PPFIA2: variants seen among roughly 807,000 people sequenced by gnomAD.
PPFIA2 encodes the protein liprin-alpha-2.
PPFIA2 carries 46 observed loss-of-function variants against 175.5 expected under a neutral mutation model. That is an observed-to-expected ratio of 0.26 (90% CI 0.21 to 0.34). The LOEUF (loss-of-function observed/expected upper bound fraction) is 0.34, where lower values mean the gene tolerates loss of function less well. Among genes scored for constraint, PPFIA2 ranks in the 10% least tolerant of loss-of-function variants. The probability of loss-of-function intolerance (pLI) is 1.00; values close to 1 mark genes in which losing one functional copy is unlikely to be tolerated. For synonymous variants in PPFIA2, 568 were observed against 511.4 expected (o/e 1.11, Z -1.49); for missense variants, 1,179 against 1,506.1 (o/e 0.78, Z 3.60).
chr12:81,618,340 A>G (rs2061624787), intron 4 of PPFIA2, among the ~76,000 whole-genome samples: 1 of 151,894 alleles, frequency 6.6e-6, no homozygotes, highest in Non-Finnish European at 1.5e-5. Flanking sequence ...CCTAGTATGT[A>G]GGAACAGTTT....
At chr12:81,478,977 A>AT (rs2057844412) in intron 4 of PPFIA2, among the ~76,000 whole-genome samples, 1 of 152,058 alleles carries the variant, frequency 6.6e-6, no homozygotes, top group African/African-American at 2.4e-5. Context: ...ATCCTTATTA[A>AT]TTTTCTGTCT....
At chr12:81,752,358 G>C (rs1214644342) in intron 3 of PPFIA2, among the ~76,000 whole-genome samples, 1 of 152,124 alleles carries the variant, frequency 6.6e-6, no homozygotes, top group African/African-American at 2.4e-5. Context: ...AGAGTAAGCA[G>C]GATGGTGATA....
intron 3 of PPFIA2, among the ~76,000 whole-genome samples, chr12:81,726,827 C>G (rs1172402628): frequency 6.6e-6 from 1 of 151,246 alleles, no homozygotes; most frequent in Non-Finnish European, 1.5e-5. Context: ...CTTTGGCCAA[C>G]AGAATGTAAG....
rs73358668 is a variant in PPFIA2, at chr12:81,492,148, T to C, written c.304-34282A>G. On this transcript the variant is annotated intron_variant, in intron 4 of 32. Transcript: ENST00000549396. The stretch of plus-strand genomic sequence containing the variant: ...CATTTTTTTTTAGGAAATAAAAGCA[T>C]AATGTAAGTACTACACGGCTTATGT... Among the ~76,000 whole-genome samples the C allele has an allele frequency of 2.0e-3, 307 of 152,100 alleles. 1 individual carries two copies. Among genetic ancestry groups the C allele is most frequent in the African/African-American group, 6.9e-3 (286 of 41,532 alleles).
intron 4 of PPFIA2, among the ~76,000 whole-genome samples, chr12:81,611,350 G>C (rs1056242425): frequency 6.6e-6 from 1 of 152,130 alleles, no homozygotes; most frequent in Admixed American, 6.5e-5. Context: ...TTCTGAGCTG[G>C]GGTTTCCTCT....
At chr12:81,621,758 G>A (rs960780989) in intron 4 of PPFIA2, among the ~76,000 whole-genome samples, 4 of 152,172 alleles carry the variant, frequency 2.6e-5, no homozygotes, top group Non-Finnish European at 5.9e-5. Context: ...GAAAACTACA[G>A]AAGTATCAGG....
intron 3 of PPFIA2, among the ~76,000 whole-genome samples, chr12:81,718,532 T>C (rs1391590845): frequency 6.6e-6 from 1 of 151,592 alleles, no homozygotes; most frequent in Non-Finnish European, 1.5e-5. Context: ...CACCAAGTGC[T>C]ACAAGTATGT....
intron 4 of PPFIA2, among the ~76,000 whole-genome samples, chr12:81,611,517 A>G (rs2060906451): frequency 6.6e-6 from 1 of 152,102 alleles, no homozygotes; most frequent in Admixed American, 6.5e-5. Context: ...GTACTCATAT[A>G]CAGCAACACA....
chr12:81,311,118 C>T (rs1055747389), intron 22 of PPFIA2, among the ~76,000 whole-genome samples: 3 of 152,106 alleles, frequency 2.0e-5, no homozygotes, highest in Non-Finnish European at 2.9e-5. Context: ...AAATATTATG[C>T]ATATTTTATT....
At chr12:81,396,732 T>G (rs2041202372) in intron 8 of PPFIA2, among the ~76,000 whole-genome samples, 1 of 152,124 alleles carries the variant, frequency 6.6e-6, no homozygotes, top group African/African-American at 2.4e-5. Flanking sequence ...CAGATTACTC[T>G]GATTCATGCT....
At chr12:81,635,035 G>A (rs563657580) in intron 4 of PPFIA2, among the ~76,000 whole-genome samples, 1 of 152,290 alleles carries the variant, frequency 6.6e-6, no homozygotes, top group East Asian at 1.9e-4. Context: ...TTTTATTGCT[G>A]CATGATTGGC....
intron 14 of PPFIA2, among the ~76,000 whole-genome samples, chr12:81,365,299 T>G (rs1488612063): frequency 6.6e-6 from 1 of 151,816 alleles, no homozygotes; most frequent in East Asian, 1.9e-4. Context: ...ATAGAAGATG[T>G]GGTCAGATTA....
intron 3 of PPFIA2, among the ~76,000 whole-genome samples, chr12:81,721,444 C>A (rs1388609823): frequency 6.8e-6 from 1 of 147,250 alleles, no homozygotes; most frequent in Non-Finnish European, 1.5e-5. Context: ...CTAATACACA[C>A]ACACATAAAC....
chr12:81,369,226 T>C, intron 11 of PPFIA2, 32 bp from the exon 12 acceptor site: 4 of 1,594,874 alleles, frequency 2.5e-6, no homozygotes, highest in South Asian at 1.1e-5. Flanking sequence ...ACACCTGAAA[T>C]GTAAGATTTG....
intron 4 of PPFIA2, among the ~76,000 whole-genome samples, chr12:81,599,185 T>C (rs936215869): frequency 5.3e-5 from 8 of 151,950 alleles, no homozygotes; most frequent in African/African-American, 1.7e-4. Context: ...TTCAGTAGGA[T>C]AGGAAACAGA....
At chr12:81,742,803 A>G (rs1325638413) in intron 3 of PPFIA2, among the ~76,000 whole-genome samples, 1 of 152,200 alleles carries the variant, frequency 6.6e-6, no homozygotes, top group Non-Finnish European at 1.5e-5. Context: ...AAGACTGAAA[A>G]GTGGCCAAAA....
At chr12:81,539,136 T>C (rs562130934) in intron 4 of PPFIA2, among the ~76,000 whole-genome samples, 1 of 152,014 alleles carries the variant, frequency 6.6e-6, no homozygotes, top group East Asian at 1.9e-4. Context: ...TCAGTTAAGA[T>C]GGGGAAGACT....
intron 5 of PPFIA2, among the ~76,000 whole-genome samples, chr12:81,447,632 C>A (rs576963691): frequency 6.6e-6 from 1 of 152,132 alleles, no homozygotes; most frequent in Non-Finnish European, 1.5e-5. Flanking sequence ...TTATGATATG[C>A]AATTTAAACA....
At position 81,434,137 on chromosome 12, in the gene PPFIA2, A is replaced by T. The variant is rs1425814786; in HGVS notation, c.645+5835T>A. On this transcript the variant is annotated intron_variant, in intron 7 of 32. Transcript: ENST00000549396. ...GGCCTTAGAATGACTCAGGCAGAGC[A>T]GTAGGGGTGGTGGAGTTAAAGTAGA... is the stretch of plus-strand genomic sequence containing the variant. Among the ~76,000 whole-genome samples the T allele has an allele frequency of 4.6e-5, 7 of 152,202 alleles. No homozygotes were observed. The East Asian group carries it at 1.4e-3, about 29-fold the overall frequency.
Sources: allele counts gnomAD v4.1 joint callset (sites outside exome capture counted in the v4.1 genomes callset), GRCh38; gene constraint gnomAD v4.1.1; transcripts MANE v1.5; gene names NCBI Gene and HGNC (gene_info 2026-07-23, HGNC 2026-07-21).